The following TMEM38A variants were observed in gnomAD, a reference collection of about 807,000 sequenced individuals.
The protein encoded by TMEM38A is trimeric intracellular cation channel type A.
A neutral mutation model predicts 28.6 loss-of-function variants in TMEM38A; 17 were observed. The observed-to-expected ratio is 0.60, with a 90% CI of 0.41 to 0.89. The LOEUF (loss-of-function observed/expected upper bound fraction) is 0.89, where lower values mean the gene tolerates loss of function less well. Ranked by LOEUF, TMEM38A falls within the 40% of genes least tolerant of loss-of-function variation. The pLI is 0.00. For missense variants in TMEM38A, 328 were observed against 393.1 expected, an observed-to-expected ratio of 0.83 and a Z score of 1.40; for synonymous variants, 169 against 166.1, an observed-to-expected ratio of 1.02 and a Z score of -0.14.
chr19:16,665,812 C>CT (rs112668614), intron 1 of TMEM38A, among the ~76,000 whole-genome samples: 11,457 of 140,990 alleles, frequency 0.081, 679 homozygotes, highest in African/African-American at 0.17. Context: ...TTTTCTTTTC[C>CT]TTTTTTTTTT....
chr19:16,688,039 A>G (rs1291534497), intron 5 of TMEM38A, 105 bp from the exon 6 acceptor site: 16 of 815,618 alleles, frequency 2.0e-5, no homozygotes, highest in Admixed American at 6.1e-5. Context: ...CTTGACTTTG[A>G]TGACATTCTC....
At chr19:16,666,952 C>CAAAAA (rs34700803) in intron 1 of TMEM38A, among the ~76,000 whole-genome samples, 2 of 122,846 alleles carry the variant, frequency 1.6e-5, no homozygotes, top group African/African-American at 5.7e-5. Flanking sequence ...AACTCCATCT[C>CAAAAA]AAAAAAAAAA....
chr19:16,678,175 A>G (rs1015228769), intron 1 of TMEM38A, among the ~76,000 whole-genome samples: 1 of 152,190 alleles, frequency 6.6e-6, no homozygotes, highest in African/African-American at 2.4e-5. Context: ...TCATGCCTGT[A>G]ATCCCAGCAC....
intron 4 of TMEM38A, among the ~76,000 whole-genome samples, chr19:16,685,121 T>C (rs1218960215): frequency 6.6e-6 from 1 of 151,576 alleles, no homozygotes; most frequent in Non-Finnish European, 1.5e-5. Context: ...GCGTGGTAGC[T>C]CATGCCTGTA....
At chr19:16,685,800 G>A (rs1237051537) in intron 4 of TMEM38A, among the ~76,000 whole-genome samples, 1 of 152,226 alleles carries the variant, frequency 6.6e-6, no homozygotes, top group Non-Finnish European at 1.5e-5. Context: ...CTGGACAAAG[G>A]CCAGATCTTT....
intron 1 of TMEM38A, among the ~76,000 whole-genome samples, chr19:16,667,971 G>A (rs759166081): frequency 2.6e-4 from 39 of 152,072 alleles, no homozygotes; most frequent in Non-Finnish European, 5.4e-4. Context: ...CACTTTGGGA[G>A]GCTGAGGCTG....
At chr19:16,672,444 TCA>T (rs1023023835) in intron 1 of TMEM38A, among the ~76,000 whole-genome samples, 9 of 132,718 alleles carry the variant, frequency 6.8e-5, no homozygotes, top group Admixed American at 3.7e-4. Context: ...CAAAAAAACC[TCA>T]TTTTTTTTTT....
chr19:16,677,785 C>T (rs1019212523), intron 1 of TMEM38A, among the ~76,000 whole-genome samples: 11 of 152,104 alleles, frequency 7.2e-5, no homozygotes, highest in Non-Finnish European at 1.2e-4. Context: ...CTCGAACACC[C>T]AGGCTCAAGT....
At chr19:16,667,671 A>G (rs1163843855) in intron 1 of TMEM38A, among the ~76,000 whole-genome samples, 1 of 151,780 alleles carries the variant, frequency 6.6e-6, no homozygotes, top group Admixed American at 6.6e-5. Flanking sequence ...CCCGGCCAAC[A>G]TGGTGAAAGC....
Position 16,680,118 on chromosome 19 carries a change from A to G in TMEM38A, c.259A>G (p.Ile87Val), listed in dbSNP as rs2086775178. The change falls in exon 2 of 6, where the codon ATC (isoleucine) becomes GTC (valine). Residue 87 changes from isoleucine (I) to valine (V), a missense_variant. Coordinates refer to ENST00000187762, the MANE Select transcript of TMEM38A (RefSeq NM_024074.4). The stretch of plus-strand genomic sequence containing the variant: ...CGATTACTTCAGCAACAACTCCAGC[A>G]TCCTGCTGGCCTCAGCTGTCTGGTA... ...LIDYFSNNSS[I>V]LLASAVWYLI... is the part of the protein sequence containing the mutation. The G allele has an allele frequency of 1.2e-6, 2 of 1,609,602 alleles. No individual in the cohort carries two copies. Among genetic ancestry groups the G allele is most frequent in the Non-Finnish European group, 1.7e-6 (2 of 1,179,986 alleles).
At chr19:16,662,754 T>C (rs2086687717) in intron 1 of TMEM38A, among the ~76,000 whole-genome samples, 1 of 151,308 alleles carries the variant, frequency 6.6e-6, no homozygotes, top group Non-Finnish European at 1.5e-5. Flanking sequence ...ACCCAGCCAA[T>C]GCACGCTCTT....
At chr19:16,668,933 A>G (rs1271351178) in intron 1 of TMEM38A, among the ~76,000 whole-genome samples, 1 of 149,070 alleles carries the variant, frequency 6.7e-6, no homozygotes, top group African/African-American at 2.5e-5. Flanking sequence ...GGTTCAAGTG[A>G]TTCTCCTGTG....
intron 1 of TMEM38A, among the ~76,000 whole-genome samples, chr19:16,671,269 G>C (rs150418464): frequency 7.1e-6 from 1 of 141,578 alleles, no homozygotes. Context: ...GCAGTGGCAC[G>C]ATCTTGGCTC....
chr19:16,676,716 G>A (rs1011825140), intron 1 of TMEM38A, among the ~76,000 whole-genome samples: 1 of 149,436 alleles, frequency 6.7e-6, no homozygotes, highest in African/African-American at 2.5e-5. Context: ...TTAGTGAATA[G>A]ACATTAATAC....
At chr19:16,686,216 G>C (rs1304575145) in intron 4 of TMEM38A, 72 bp from the exon 5 acceptor site, 2 of 1,090,642 alleles carry the variant, frequency 1.8e-6, no homozygotes, top group South Asian at 1.3e-5. Flanking sequence ...AGGGCAGGGG[G>C]GTGTCTGGGC....
chr19:16,687,129 C>A (rs1205728588), intron 5 of TMEM38A, among the ~76,000 whole-genome samples: 1 of 152,112 alleles, frequency 6.6e-6, no homozygotes, highest in Non-Finnish European at 1.5e-5. Flanking sequence ...GCCAGGAGTT[C>A]AAGACCAGCC....
chr19:16,663,221 C>T (rs1568311950), intron 1 of TMEM38A, among the ~76,000 whole-genome samples: 2 of 150,982 alleles, frequency 1.3e-5, no homozygotes, highest in African/African-American at 4.9e-5. Flanking sequence ...GCGGAGGTTG[C>T]AGTGAGCCGA....
At chr19:16,683,917 C>T (rs2086791222) in intron 4 of TMEM38A, among the ~76,000 whole-genome samples, 1 of 151,570 alleles carries the variant, frequency 6.6e-6, no homozygotes, top group Non-Finnish European at 1.5e-5. Context: ...TTGCAGTGAG[C>T]CGAGATCACG....
intron 5 of TMEM38A, among the ~76,000 whole-genome samples, chr19:16,687,193 G>A (rs963021713): frequency 4.6e-5 from 7 of 152,088 alleles, no homozygotes; most frequent in Admixed American, 1.3e-4. Flanking sequence ...TTAGCCAGGC[G>A]TGGGGTCACA....
Sources: allele counts gnomAD v4.1 joint callset (sites outside exome capture counted in the v4.1 genomes callset), GRCh38; gene constraint gnomAD v4.1.1; transcripts MANE v1.5; gene names NCBI Gene and HGNC (gene_info 2026-07-23, HGNC 2026-07-21).